MAD1L1: variants seen among roughly 807,000 people sequenced by gnomAD.
MAD1L1 encodes the protein mitotic arrest deficient 1 like 1.
MAD1L1 carries 95 observed loss-of-function variants against 96.9 expected under a neutral mutation model. That is an observed-to-expected ratio of 0.98 (90% CI 0.83 to 1.16). The LOEUF is 1.16. Ranked by LOEUF, MAD1L1 falls within the 50% of genes most tolerant of loss-of-function variation. The pLI, the probability that MAD1L1 is intolerant of heterozygous loss-of-function variation, is 0.00. For missense variants in MAD1L1, 1,007 were observed against 954.4 expected, an observed-to-expected ratio of 1.06 and a Z score of -0.73; for synonymous variants, 473 against 396.6, an observed-to-expected ratio of 1.19 and a Z score of -2.29.
chr7:1,834,897 T>C (rs185164488), intron 18 of MAD1L1, among the ~76,000 whole-genome samples: 14,314 of 151,990 alleles, frequency 0.094, 1,071 homozygotes, highest in African/African-American at 0.21. Flanking sequence ...GGAATATTTA[T>C]GCAAAAATTC....
intron 16 of MAD1L1, among the ~76,000 whole-genome samples, chr7:1,939,499 GGGTC>G (rs1778837245): frequency 9.4e-4 from 1 of 1,062 alleles, no homozygotes; most frequent in Non-Finnish European, 3.7e-3. Flanking sequence ...GTCATGACAT[GGGTC>G]ATGTCAGGCA....
intron 17 of MAD1L1, among the ~76,000 whole-genome samples, chr7:1,911,839 C>A (rs1244731699): frequency 1.3e-5 from 2 of 152,384 alleles, no homozygotes; most frequent in African/African-American, 2.4e-5. Context: ...TGGACTGGGT[C>A]TGAACCTCTG....
rs552020726 is a variant in MAD1L1 at position 2,188,150 on chromosome 7, T to A, written c.986+25062A>T. On this transcript the variant is annotated intron_variant, in intron 10 of 18. Coordinates refer to ENST00000265854, the MANE Select transcript of MAD1L1 (RefSeq NM_001013836.2). ...TGCATGGATAAAGGTCCATTCAAAG[T>A]GCAAGAGACCAATGAATTTTAGTAC... Among the ~76,000 whole-genome samples, 5 of 152,358 alleles carry A rather than the reference T, an allele frequency of 3.3e-5. No homozygotes were observed. The South Asian group carries it at 1.0e-3, about 32-fold the overall frequency.
intron 10 of MAD1L1, among the ~76,000 whole-genome samples, chr7:2,183,795 T>C (rs975326797): frequency 5.3e-5 from 8 of 152,088 alleles, no homozygotes; most frequent in African/African-American, 1.9e-4. Flanking sequence ...GAGATATACC[T>C]AATGCTAAAT....
rs560223525 is a variant in MAD1L1 at position 2,177,345 on chromosome 7, T to C, written c.987-28107A>G. ...CAGCAGATGTATTCATGAGGTTTTA[T>C]GAAATTAAAAATGGTTCACTCTATC... is the stretch of plus-strand genomic sequence containing the variant. On this transcript the variant is annotated intron_variant, in intron 10 of 18. Transcript: ENST00000265854. 8.5e-5 allele frequency among the ~76,000 whole-genome samples: 13 copies of C among 152,372 alleles called. No individual in the cohort carries two copies. The East Asian group carries it at 1.3e-3, about 16-fold the overall frequency.
intron 17 of MAD1L1, among the ~76,000 whole-genome samples, chr7:1,899,820 G>A (rs1046249154): frequency 5.9e-5 from 9 of 152,210 alleles, no homozygotes; most frequent in African/African-American, 2.2e-4. Flanking sequence ...GGTGGACGAT[G>A]CAGTCCAGGT....
At chr7:2,094,547 G>A (rs983710673) in intron 11 of MAD1L1, among the ~76,000 whole-genome samples, 5 of 152,258 alleles carry the variant, frequency 3.3e-5, no homozygotes, top group Non-Finnish European at 7.3e-5. Flanking sequence ...AGGCCCACGA[G>A]GAGGTAACAG....
intron 10 of MAD1L1, among the ~76,000 whole-genome samples, chr7:2,159,080 G>A (rs983103040): frequency 6.6e-6 from 1 of 152,194 alleles, no homozygotes; most frequent in Admixed American, 6.5e-5. Context: ...CTTACCCCAT[G>A]GAAAGGGACC....
At chr7:2,231,770 C>G (rs554174675) in intron 1 of MAD1L1, among the ~76,000 whole-genome samples, 3 of 152,016 alleles carry the variant, frequency 2.0e-5, no homozygotes, top group African/African-American at 7.3e-5. Flanking sequence ...AACTAGGTAT[C>G]AGAAAGAAAG....
In MAD1L1 at chr7:1,979,871, T is replaced by G. The variant is rs1307661808; in HGVS notation, c.1505+582A>C. Among the ~76,000 whole-genome samples, 5 of 152,196 alleles carry G rather than the reference T, an allele frequency of 3.3e-5. No homozygotes were observed. The East Asian group carries it at 7.7e-4, about 23-fold the overall frequency. On this transcript the variant is annotated intron_variant, in intron 15 of 18. Coordinates refer to ENST00000265854, the MANE Select transcript of MAD1L1 (RefSeq NM_001013836.2). ...ACCCGGCTCCAGCGCCGCCCCCTGA[T>G]GGAGGACCTGCTCCCTTCTGAGCGT... is the stretch of plus-strand genomic sequence containing the variant.
At chr7:2,017,517 G>A (rs1782595611) in intron 12 of MAD1L1, among the ~76,000 whole-genome samples, 1 of 152,218 alleles carries the variant, frequency 6.6e-6, no homozygotes, top group Non-Finnish European at 1.5e-5. Flanking sequence ...CAGCAGTAGA[G>A]GGCGGCTCTG....
At chr7:2,045,670 G>C (rs893813022) in intron 12 of MAD1L1, among the ~76,000 whole-genome samples, 1 of 151,996 alleles carries the variant, frequency 6.6e-6, no homozygotes, top group Non-Finnish European at 1.5e-5. Flanking sequence ...CAGTCGCTTA[G>C]TGGGATTTGG....
intron 10 of MAD1L1, among the ~76,000 whole-genome samples, chr7:2,150,084 G>C (rs903833731): frequency 2.0e-5 from 3 of 152,194 alleles, no homozygotes; most frequent in African/African-American, 7.2e-5. Context: ...AATGCTGTGA[G>C]AGCCCCACCC....
chr7:1,912,183 C>A (rs1788059114), intron 17 of MAD1L1, among the ~76,000 whole-genome samples: 2 of 152,304 alleles, frequency 1.3e-5, no homozygotes, highest in South Asian at 4.2e-4. Flanking sequence ...GGGTACAGAC[C>A]CCAGAACCAG....
intron 11 of MAD1L1, among the ~76,000 whole-genome samples, chr7:2,097,308 G>A (rs886260048): frequency 2.6e-5 from 4 of 152,168 alleles, no homozygotes; most frequent in Non-Finnish European, 4.4e-5. Flanking sequence ...GGAGATGACC[G>A]CTAAGGCCTC....
At chr7:1,850,024 G>A (rs1018069606) in intron 18 of MAD1L1, 1 of 152,226 alleles carries the variant, frequency 6.6e-6, no homozygotes, top group African/African-American at 2.4e-5. Context: ...GAAAATATTG[G>A]TTAATTTTCC....
chr7:1,834,937 A>G (rs1310710269), intron 18 of MAD1L1, among the ~76,000 whole-genome samples: 1 of 152,164 alleles, frequency 6.6e-6, no homozygotes, highest in East Asian at 1.9e-4. Context: ...TTCACATCCA[A>G]TAACATATAA....
In MAD1L1 at chr7:2,136,221, G is replaced by A. The variant is rs148114095; in HGVS notation, c.1073+12931C>T. Reference sequence around the variant, plus strand: ...AGCATTAAGAGGCTTCATGCCCTGCGGAAGCGACCTGTGATATCTGAGCTT... The same window carrying A: ...AGCATTAAGAGGCTTCATGCCCTGCAGAAGCGACCTGTGATATCTGAGCTT... On this transcript the variant is annotated intron_variant, in intron 11 of 18. Transcript: ENST00000265854. Among the ~76,000 whole-genome samples, 532 of 152,314 alleles carry A rather than the reference G, an allele frequency of 3.5e-3. 3 individuals are homozygous for A. Among genetic ancestry groups the A allele is most frequent in the African/African-American group, 0.012 (492 of 41,570 alleles).
chr7:1,987,507 T>C (rs1781208454), intron 14 of MAD1L1, among the ~76,000 whole-genome samples: 1 of 151,762 alleles, frequency 6.6e-6, no homozygotes. Context: ...TCTGCTCTGC[T>C]GTCCGCCAAT....
Sources: gnomAD v4.1 joint callset for allele counts (sites outside exome capture counted in the v4.1 genomes callset) on GRCh38, gnomAD v4.1.1 for gene constraint, MANE v1.5 for transcripts, NCBI Gene and HGNC (gene_info 2026-07-23, HGNC 2026-07-21) for gene names.